Variants in RORA observed in about 807,000 individuals in gnomAD.
The protein encoded by RORA is nuclear receptor ROR-alpha.
RORA carries 7 observed loss-of-function variants against 69.5 expected under a neutral mutation model. The observed-to-expected ratio is 0.10, with a 90% CI of 0.06 to 0.19. The LOEUF (loss-of-function observed/expected upper bound fraction) is 0.19, where lower values mean the gene tolerates loss of function less well. RORA is among the 10% of genes least tolerant of loss of function. RORA has a pLI of 1.00. For synonymous variants in RORA, 261 were observed against 240.8 expected (o/e 1.08, Z -0.78); for missense variants, 457 against 663.0 (o/e 0.69, Z 3.41).
rs546504677 is a variant in RORA at position 60,993,636 on chromosome 15, C to T, written c.166+235417G>A. 1.5e-4 allele frequency among the ~76,000 whole-genome samples: 14 copies of T among 92,128 alleles called. No homozygotes were observed. In the Admixed American group the frequency reaches 1.7e-3, roughly 11 times the overall value. The allele number at this position is 92,128 out of a possible 152,430, so 60.4% of individuals were successfully genotyped here. A position where few individuals can be genotyped will look rare whatever the true frequency, so the allele number is the denominator to read the frequency against. Reference sequence around the variant, plus strand: ...CCAACCTGGGTGACAGAGCAAGACTCTCCATCTCAAAAAAAAAAAAAAAAA... The same window carrying T: ...CCAACCTGGGTGACAGAGCAAGACTTTCCATCTCAAAAAAAAAAAAAAAAA... On this transcript the variant is annotated intron_variant, in intron 1 of 10. Coordinates refer to ENST00000335670, the MANE Select transcript of RORA (RefSeq NM_134261.3).
rs557427355 is a variant in RORA, at chr15:61,084,275, G to A, written c.166+144778C>T. On this transcript the variant is annotated intron_variant, in intron 1 of 10. Transcript: ENST00000335670. ...CTTCTAGATCCCATTAACCATGCTT[G>A]ATGAGAAGTCCATCTGCCTGGACAT... 2.6e-5 allele frequency among the ~76,000 whole-genome samples: 4 copies of A among 152,306 alleles called. No individual in the cohort carries two copies. In the South Asian group the frequency reaches 8.3e-4, roughly 32 times the overall value.
Position 60,497,403 on chromosome 15 carries a change from T to G in RORA, c.*52A>C. On this transcript the variant is annotated 3_prime_UTR_variant, in exon 11 of 11. Coordinates refer to ENST00000335670, the MANE Select transcript of RORA (RefSeq NM_134261.3). ...AAGTGTCTCGGTTAATTTTTTTGTT[T>G]GTTTTTCATGTTTGTACTTCAGACA... 5 of 1,559,386 alleles carry G rather than the reference T, an allele frequency of 3.2e-6. No homozygotes were observed. The highest frequency in any genetic ancestry group is 4.4e-6 in the Non-Finnish European group (5 of 1,134,394).
At chr15:60,845,229 C>T (rs376729653) in intron 1 of RORA, among the ~76,000 whole-genome samples, 15 of 152,160 alleles carry the variant, frequency 9.9e-5, no homozygotes, top group East Asian at 3.8e-4. Flanking sequence ...ACCATCACTA[C>T]GTCAACACAA....
At chr15:60,874,410 G>C (rs1350619660) in intron 1 of RORA, among the ~76,000 whole-genome samples, 2 of 152,166 alleles carry the variant, frequency 1.3e-5, no homozygotes, top group Non-Finnish European at 2.9e-5. Flanking sequence ...TTCCAGCTTA[G>C]GGGTCAGTAA....
At chr15:61,009,159 C>T (rs540676824) in intron 1 of RORA, among the ~76,000 whole-genome samples, 4 of 152,312 alleles carry the variant, frequency 2.6e-5, no homozygotes, top group Admixed American at 6.5e-5. Context: ...TCAATGCCAT[C>T]GCTGTTAGAA....
At chr15:61,193,585 C>A (rs1463904395) in intron 1 of RORA, among the ~76,000 whole-genome samples, 2 of 152,178 alleles carry the variant, frequency 1.3e-5, no homozygotes, top group Non-Finnish European at 2.9e-5. Context: ...CATTAATTCT[C>A]ATCTTTACTT....
intron 1 of RORA, among the ~76,000 whole-genome samples, chr15:60,916,543 C>T (rs996027426): frequency 3.9e-5 from 6 of 152,176 alleles, no homozygotes; most frequent in African/African-American, 7.2e-5. Context: ...CTGAATATTT[C>T]GCATCAGCTT....
Position 61,144,610 on chromosome 15 carries a change from T to C in RORA, c.166+84443A>G, listed in dbSNP as rs114631545. 3.9e-3 allele frequency among the ~76,000 whole-genome samples: 594 copies of C among 152,298 alleles called. 10 individuals are homozygous for C. The highest frequency in any genetic ancestry group is 0.014 in the African/African-American group (566 of 41,566). On this transcript the variant is annotated intron_variant, in intron 1 of 10. Transcript: ENST00000335670. ...ATAACAAAATGTAAATCAAAACAAG[T>C]ATCATCTCTCTTATCAGATAAGCAA...
chr15:60,866,618 A>G (rs2073490077), intron 1 of RORA, among the ~76,000 whole-genome samples: 1 of 152,004 alleles, frequency 6.6e-6, no homozygotes, highest in South Asian at 2.1e-4. Context: ...TCTAGGGAGG[A>G]GAGAGGGGCT....
At chr15:61,177,190 A>G (rs1318092120) in intron 1 of RORA, among the ~76,000 whole-genome samples, 2 of 152,224 alleles carry the variant, frequency 1.3e-5, no homozygotes, top group African/African-American at 4.8e-5. Flanking sequence ...TACTTCCAGC[A>G]GAGAAGAGGA....
At chr15:60,915,607 A>T (rs946814602) in intron 1 of RORA, among the ~76,000 whole-genome samples, 1 of 152,210 alleles carries the variant, frequency 6.6e-6, no homozygotes, top group African/African-American at 2.4e-5. Flanking sequence ...ATGCGGTATG[A>T]CTTAAGAACT....
chr15:61,193,723 T>C (rs1342426196), intron 1 of RORA, among the ~76,000 whole-genome samples: 9 of 152,232 alleles, frequency 5.9e-5, no homozygotes. Context: ...TGCAATATCC[T>C]AACAATTCTG....
intron 2 of RORA, among the ~76,000 whole-genome samples, chr15:60,645,812 TAA>T (rs796728170): frequency 4.0e-3 from 559 of 140,658 alleles, no homozygotes; most frequent in African/African-American, 0.014. Flanking sequence ...TTTTTTTTTT[TAA>T]AAAATTAAGG....
Position 61,009,414 on chromosome 15 carries a change from G to A in RORA, c.166+219639C>T, listed in dbSNP as rs535329390. Among the ~76,000 whole-genome samples, 5 of 152,300 alleles carry A rather than the reference G, an allele frequency of 3.3e-5. 1 individual carries two copies. Among genetic ancestry groups the A allele is most frequent in the African/African-American group, 9.6e-5 (4 of 41,568 alleles). On this transcript the variant is annotated intron_variant, in intron 1 of 10. Coordinates refer to ENST00000335670, the MANE Select transcript of RORA (RefSeq NM_134261.3). ...CATAGTCCTATGCTTAAACAACTGTGTTTAGCTTGGTGGAAATACACCAAG... is the reference window on the plus strand; with the variant it reads ...CATAGTCCTATGCTTAAACAACTGTATTTAGCTTGGTGGAAATACACCAAG...
chr15:60,693,401 G>A (rs2070857678), intron 1 of RORA, among the ~76,000 whole-genome samples: 1 of 152,216 alleles, frequency 6.6e-6, no homozygotes, highest in East Asian at 1.9e-4. Flanking sequence ...AGACAAGGAT[G>A]CCCTCTCTCA....
rs112644927 is a variant in RORA at position 61,011,644 on chromosome 15, T to C, written c.166+217409A>G. On this transcript the variant is annotated intron_variant, in intron 1 of 10. Coordinates refer to ENST00000335670, the MANE Select transcript of RORA (RefSeq NM_134261.3). Reference sequence around the variant, plus strand: ...TTAAAAAAAAAAGGAACATAAAAAGTATTAGCTATTTGACACTCATAAAGC... The same window carrying C: ...TTAAAAAAAAAAGGAACATAAAAAGCATTAGCTATTTGACACTCATAAAGC... Among the ~76,000 whole-genome samples the C allele has an allele frequency of 9.1e-3, 1,379 of 152,118 alleles. 18 individuals are homozygous for C. Among genetic ancestry groups the C allele is most frequent in the African/African-American group, 0.03 (1,249 of 41,518 alleles).
chr15:61,162,960 C>T (rs1267107730), intron 1 of RORA, among the ~76,000 whole-genome samples: 1 of 152,132 alleles, frequency 6.6e-6, no homozygotes, highest in African/African-American at 2.4e-5. Flanking sequence ...CGTCACTCAC[C>T]GCACTCAGCA....
At chr15:61,100,350 C>T (rs1003250425) in intron 1 of RORA, among the ~76,000 whole-genome samples, 5 of 152,090 alleles carry the variant, frequency 3.3e-5, no homozygotes, top group African/African-American at 7.2e-5. Context: ...GAACTCCTGA[C>T]CTCAGATGAT....
intron 1 of RORA, among the ~76,000 whole-genome samples, chr15:61,052,380 G>A (rs1461208938): frequency 2.0e-5 from 3 of 152,210 alleles, no homozygotes; most frequent in Non-Finnish European, 2.9e-5. Context: ...AGCCTCATAC[G>A]TAATGCTTTT....
Sources: allele counts gnomAD v4.1 joint callset (sites outside exome capture counted in the v4.1 genomes callset), GRCh38; gene constraint gnomAD v4.1.1; transcripts MANE v1.5; gene names NCBI Gene and HGNC (gene_info 2026-07-23, HGNC 2026-07-21).